Variants in PRKDC observed in about 807,000 individuals in gnomAD.
The protein encoded by PRKDC is DNA-dependent protein kinase catalytic subunit.
In PRKDC, 82 loss-of-function variants were observed where a neutral mutation model predicts 486.9. The ratio of observed to expected loss-of-function variants is 0.17; its 90% CI spans 0.14 to 0.20. PRKDC has a LOEUF of 0.20. Among genes scored for constraint, PRKDC ranks in the 10% least tolerant of loss-of-function variants. The pLI, the probability that PRKDC is intolerant of heterozygous loss-of-function variation, is 1.00. For missense variants in PRKDC, 4,504 were observed against 5,038.2 expected, an observed-to-expected ratio of 0.89 and a Z score of 3.21; for synonymous variants, 1,895 against 1,837.0, an observed-to-expected ratio of 1.03 and a Z score of -0.81.
chr8:47,873,763 C>T (rs1226692127), intron 40 of PRKDC, among the ~76,000 whole-genome samples: 2 of 152,060 alleles, frequency 1.3e-5, no homozygotes, highest in Non-Finnish European at 2.9e-5. Flanking sequence ...CACAGAAAGA[C>T]AATCTTTGCG....
chr8:47,863,597 A>G lies in PRKDC; in HGVS notation c.5572-20T>C. ...ATTTAGCTTCAAAAAGGTAAAAAAT[A>G]ATTATCTTTGGTCTTATTAAACATG... On this transcript the variant is annotated intron_variant, in intron 41 of 85. Transcript: ENST00000314191. 6.4e-7 allele frequency: 1 copy of G among 1,571,874 alleles called. No individual in the cohort carries two copies. The highest frequency in any genetic ancestry group is 8.7e-7 in the Non-Finnish European group (1 of 1,145,804).
intron 10 of PRKDC, among the ~76,000 whole-genome samples, chr8:47,942,700 A>T (rs1420662166): frequency 6.6e-6 from 1 of 152,204 alleles, no homozygotes; most frequent in Non-Finnish European, 1.5e-5. Context: ...GACATCCTGG[A>T]GACCAGTGCT....
intron 12 of PRKDC, 62 bp downstream of exon 12, chr8:47,936,291 T>C (rs1168343103): frequency 2.0e-6 from 3 of 1,517,720 alleles, no homozygotes; most frequent in South Asian, 1.3e-5. Context: ...TATGACTCCA[T>C]CAAATTATTT....
Position 47,776,829 on chromosome 8 carries a change from A to G in PRKDC, c.12182+15T>C, listed in dbSNP as rs780038414. 3 of 1,613,066 alleles carry G rather than the reference A, an allele frequency of 1.9e-6. No homozygotes were observed. Among genetic ancestry groups the G allele is most frequent in the Non-Finnish European group, 2.5e-6 (3 of 1,179,600 alleles). On this transcript the variant is annotated intron_variant, in intron 85 of 85. Coordinates refer to ENST00000314191, the MANE Select transcript of PRKDC (RefSeq NM_006904.7). Reference sequence around the variant, plus strand: ...TCGGTAGTCCGTTAGTTTTTTCCACATATAAAAATCTTACCAAGTAATGAC... The same window carrying G: ...TCGGTAGTCCGTTAGTTTTTTCCACGTATAAAAATCTTACCAAGTAATGAC...
At position 47,955,966 on chromosome 8, in the gene PRKDC, AAT is replaced by A; in HGVS notation, c.325-20_325-19del. 4 of 1,519,852 alleles carry A rather than the reference AAT, an allele frequency of 2.6e-6. No individual in the cohort carries two copies. The highest frequency in any genetic ancestry group is 3.6e-6 in the Non-Finnish European group (4 of 1,112,834). 94.1% of individuals were successfully genotyped at this position (1,519,852 alleles called of 1,614,324 possible). A position where few individuals can be genotyped will look rare whatever the true frequency, so the allele number is the denominator to read the frequency against. The stretch of plus-strand genomic sequence containing the variant: ...CAAGTGTTCTAGGTTTTAAAAAAAA[AAT>A]AACCAAAATCATCAATAAGATATAA... On this transcript the variant is annotated intron_variant, in intron 3 of 85. Coordinates refer to ENST00000314191, the MANE Select transcript of PRKDC (RefSeq NM_006904.7).
chr8:47,915,374 T>G lies in PRKDC; in HGVS notation c.2571A>C (p.Gln857His). Residue 857 changes from glutamine to histidine, a missense_variant, in exon 23 of 86, where the codon CAA (glutamine) becomes CAC (histidine). By Grantham distance (24) the Gln-to-His change is conservative. Transcript: ENST00000314191. The stretch of plus-strand genomic sequence containing the variant: ...TTTGTCCTCCTAGAGATCCAAGCAT[T>G]TGTACTACTCTAATTCTTATTTCTT... ...SLEEIRIRVV[Q>H]MLGSLGGQIN... 6.4e-7 allele frequency: 1 copy of G among 1,571,476 alleles called. No homozygotes were observed. Among genetic ancestry groups the G allele is most frequent in the Non-Finnish European group, 8.7e-7 (1 of 1,154,640 alleles).
intron 74 of PRKDC, among the ~76,000 whole-genome samples, chr8:47,791,598 A>G (rs1229513493): frequency 9.9e-5 from 15 of 152,216 alleles, no homozygotes; most frequent in Non-Finnish European, 8.8e-5. Context: ...TCAAAAGAAA[A>G]CATACAAATG....
At chr8:47,891,131 C>T (rs2089446991) in intron 31 of PRKDC, among the ~76,000 whole-genome samples, 1 of 152,156 alleles carries the variant, frequency 6.6e-6, no homozygotes, top group African/African-American at 2.4e-5. Flanking sequence ...TCAGGACTCT[C>T]CTGCTTAATG....
Position 47,859,635 on chromosome 8 carries a change from A to G in PRKDC, c.6183T>C (p.Pro2061=). Reference sequence around the variant, plus strand: ...CCCGTCTCCGAAAACGACCAGTGGCAGGTCTAGGGTCTTGGGAGCTGTATG... The same window carrying G: ...CCCGTCTCCGAAAACGACCAGTGGCGGGTCTAGGGTCTTGGGAGCTGTATG... ...SYSYSSQDPR[P]ATGRFRRREQ... Residue 2061 remains proline (P), a synonymous_variant, in exon 46 of 86, where the codon CCT becomes CCC. Transcript: ENST00000314191. The G allele has an allele frequency of 6.2e-7, 1 of 1,610,004 alleles. No individual in the cohort carries two copies. The highest frequency in any genetic ancestry group is 1.3e-5 in the African/African-American group (1 of 74,872).
At chr8:47,846,065 T>A (rs946879328) in intron 54 of PRKDC, among the ~76,000 whole-genome samples, 1 of 152,062 alleles carries the variant, frequency 6.6e-6, no homozygotes, top group Admixed American at 6.6e-5. Flanking sequence ...ATAAACAGAA[T>A]TAAAAACAAA....
chr8:47,862,022 C>T, intron 44 of PRKDC, 40 bp downstream of exon 44: 1 of 1,454,154 alleles, frequency 6.9e-7, no homozygotes, highest in Non-Finnish European at 9.4e-7. Context: ...TCTTTGTGAG[C>T]ACTTGATAAG....
At position 47,858,876 on chromosome 8, in the gene PRKDC, T is replaced by C. The variant is rs1345194078; in HGVS notation, c.6318A>G (p.Arg2106=). ...PLTALVKHMH[R]SLGPPQGEED... ...CTTCTCCTTGAGGCGGGCCCAGGCT[T>C]CTGTGCATGTGCTTGACCAGGGCCG... The change falls in exon 47 of 86, where the codon AGA becomes AGG. Residue 2106 remains arginine, a synonymous_variant. Transcript: ENST00000314191. The C allele has an allele frequency of 6.2e-7, 1 of 1,613,738 alleles. No homozygotes were observed. Among genetic ancestry groups the C allele is most frequent in the Admixed American group, 1.7e-5 (1 of 59,986 alleles).
At position 47,854,115 on chromosome 8, in the gene PRKDC, G is replaced by A. The variant is rs1383536147; in HGVS notation, c.6861C>T (p.Pro2287=). The change falls in exon 51 of 86, where the codon CCC becomes CCT. Residue 2287 remains proline (P), a synonymous_variant. Coordinates refer to ENST00000314191, the MANE Select transcript of PRKDC (RefSeq NM_006904.7). ...TCTGGATGCCACACTGTGGGTCATA[G>A]GGAGGCAGGTCATTGGCCATCACGA... is the stretch of plus-strand genomic sequence containing the variant. ...LGIVMANDLP[P]YDPQCGIQSS... 2 of 1,613,956 alleles carry A rather than the reference G, an allele frequency of 1.2e-6. No homozygotes were observed. The highest frequency in any genetic ancestry group is 1.3e-5 in the African/African-American group (1 of 75,054).
chr8:47,828,941 C>G (rs1051224593), intron 61 of PRKDC, among the ~76,000 whole-genome samples: 1 of 152,218 alleles, frequency 6.6e-6, no homozygotes, highest in African/African-American at 2.4e-5. Flanking sequence ...TAATCATTTA[C>G]AGCCCTAACC....
chr8:47,954,726 C>A (rs553860780), intron 4 of PRKDC, among the ~76,000 whole-genome samples: 1 of 152,176 alleles, frequency 6.6e-6, no homozygotes, highest in East Asian at 1.9e-4. Flanking sequence ...CCCAAGAAAC[C>A]AACAACATGA....
rs1024006758 is a variant in PRKDC at position 47,807,129 on chromosome 8, G to T, written c.9747+8C>A. 4 of 1,612,462 alleles carry T rather than the reference G, an allele frequency of 2.5e-6. No homozygotes were observed. The highest frequency in any genetic ancestry group is 3.4e-6 in the Non-Finnish European group (4 of 1,179,000). On this transcript the variant is annotated splice_region_variant and intron_variant, in intron 69 of 85. Transcript: ENST00000314191. ...GACACAGCAGGGAGGACAGACACGA[G>T]TACCCACCTGCTTCCGGGCACTGTC...
intron 40 of PRKDC, among the ~76,000 whole-genome samples, chr8:47,873,669 A>G (rs2089014181): frequency 6.6e-6 from 1 of 152,222 alleles, no homozygotes; most frequent in Non-Finnish European, 1.5e-5. Context: ...AGTACTATCC[A>G]GCCATCAAAA....
intron 50 of PRKDC, among the ~76,000 whole-genome samples, 181 bp from the exon 51 acceptor site, chr8:47,854,395 T>C (rs189664369): frequency 1.2e-4 from 18 of 152,210 alleles, no homozygotes; most frequent in African/African-American, 2.9e-4. Flanking sequence ...TGGAGTGCAG[T>C]TGGCATGATC....
chr8:47,804,348 G>A (rs1429492631), intron 69 of PRKDC, among the ~76,000 whole-genome samples: 1 of 144,460 alleles, frequency 6.9e-6, no homozygotes, highest in Non-Finnish European at 1.5e-5. Context: ...TGCCCAGGCT[G>A]GAGTGCAATG....
Sources: gnomAD v4.1 joint callset for allele counts (sites outside exome capture counted in the v4.1 genomes callset) on GRCh38, gnomAD v4.1.1 for gene constraint, MANE v1.5 for transcripts, NCBI Gene and HGNC (gene_info 2026-07-23, HGNC 2026-07-21) for gene names.